The following DYSF variants were observed in gnomAD, a reference collection of about 807,000 sequenced individuals.
DYSF encodes dystrophy-associated fer-1-like 1.
Under a neutral mutation model 274.9 loss-of-function variants are expected in DYSF, and 212 were observed. The observed-to-expected ratio is 0.77, with a 90% confidence interval of 0.69 to 0.86. The LOEUF (loss-of-function observed/expected upper bound fraction) is 0.86, where lower values mean the gene tolerates loss of function less well. Among genes scored for constraint, DYSF ranks in the 40% least tolerant of loss-of-function variants. The probability of loss-of-function intolerance (pLI) is 0.00; values close to 1 mark genes in which losing one functional copy is unlikely to be tolerated. For synonymous variants in DYSF, 1,091 were observed against 1,078.7 expected (o/e 1.01, Z -0.22); for missense variants, 2,666 against 2,783.2 (o/e 0.96, Z 0.95).
intron 21 of DYSF, among the ~76,000 whole-genome samples, chr2:71,554,960 G>A (rs2091237606): frequency 6.6e-6 from 1 of 152,124 alleles, no homozygotes. Flanking sequence ...GTGAGAAAGT[G>A]GAAGAGACAT....
In DYSF at chr2:71,526,441, G is replaced by T. The variant is rs2087929370; in HGVS notation, c.1276+95G>T. 3.9e-6 allele frequency: 6 copies of T among 1,519,278 alleles called. No individual in the cohort carries two copies. In the East Asian group the frequency reaches 1.4e-4, roughly 35 times the overall value. 94.1% of individuals were successfully genotyped at this position (1,519,278 alleles called of 1,614,324 possible). On this transcript the variant is annotated intron_variant, in intron 13 of 55. Transcript: ENST00000410020. ...GATGGCGGGCGGGGTCAGCTCCCTG[G>T]GGGAAGGAGAGGCGTCTAGGAAAAC... is the stretch of plus-strand genomic sequence containing the variant.
upstream of DYSF, among the ~76,000 whole-genome samples, chr2:71,462,757 C>T (rs181150644): frequency 6.6e-5 from 10 of 152,188 alleles, no homozygotes; most frequent in Non-Finnish European, 1.3e-4. Context: ...TAGCTCGTCA[C>T]CGCAGGCAGG....
chr2:71,494,235 C>T (rs2084161669), intron 3 of DYSF, among the ~76,000 whole-genome samples: 1 of 152,126 alleles, frequency 6.6e-6, no homozygotes, highest in Non-Finnish European at 1.5e-5. Flanking sequence ...GATGTTTTCT[C>T]ATGCTTAGAT....
chr2:71,602,870 A>G (rs1040822731), intron 36 of DYSF, 65 bp downstream of exon 36: 28 of 1,591,338 alleles, frequency 1.8e-5, no homozygotes, highest in African/African-American at 2.7e-5. Flanking sequence ...CCAGCCTTCA[A>G]GCACACACCT....
intron 30 of DYSF, among the ~76,000 whole-genome samples, chr2:71,584,934 ACAGAAGGC>A (rs1302363999): frequency 1.3e-5 from 2 of 152,362 alleles, no homozygotes; most frequent in East Asian, 3.9e-4. Flanking sequence ...CAAGAAATTT[ACAGAAGGC>A]CAGAGGAGAG....
intron 36 of DYSF, among the ~76,000 whole-genome samples, chr2:71,608,559 G>T (rs1440012305): frequency 6.6e-6 from 1 of 152,058 alleles, no homozygotes; most frequent in Non-Finnish European, 1.5e-5. Flanking sequence ...GCCTCCGCTG[G>T]GCCCGACGCT....
At chr2:71,571,038 TACACCCAGCACACACACAGATC>T (rs2092395089) in intron 29 of DYSF, 4 of 276,338 alleles carry the variant, frequency 1.4e-5, no homozygotes, top group Admixed American at 7.0e-5. Context: ...ACACACAGAT[TACACCCAGCACACACACAGATC>T]ACACCCAGCA....
chr2:71,455,518 G>T lies in DYSF; in HGVS notation c.88+1432G>T, dbSNP rs553696747. ...CAGGTGTTTCCAGCAGGGAGGACAT[G>T]GGAGTCTTTCATGCTTCCTCTCCGC... On this transcript the variant is annotated intron_variant, in intron 1 of 54. Coordinates refer to the DYSF transcript ENST00000258104. Among the ~76,000 whole-genome samples the T allele has an allele frequency of 1.5e-4, 23 of 152,330 alleles. No individual in the cohort carries two copies. In the South Asian group the frequency reaches 4.6e-3, roughly 30 times the overall value.
rs1342595713 is a variant in DYSF at position 71,570,224 on chromosome 2, C to T, written c.2980-5C>T. 6.2e-7 allele frequency: 1 copy of T among 1,613,794 alleles called. No individual in the cohort carries two copies. The highest frequency in any genetic ancestry group is 1.7e-5 in the Admixed American group (1 of 60,014). On this transcript the variant is annotated splice_region_variant and splice_polypyrimidine_tract_variant and intron_variant, in intron 27 of 55. Transcript: ENST00000410020. ...CATTGCTTGCCTGTTCGGTTTTGTCCTTAGAACGGGGAGAAGGTGCTTCCC... is the reference window on the plus strand; with the variant it reads ...CATTGCTTGCCTGTTCGGTTTTGTCTTTAGAACGGGGAGAAGGTGCTTCCC...
rs192338057 is a variant in DYSF, at chr2:71,659,697, G to C, written c.4911+664G>C. ...TGTGCCCAAGATAAGTGCGTGAGCT[G>C]TCTCCCTCTAGTCATTGCCTGAGAT... On this transcript the variant is annotated intron_variant, in intron 44 of 55. Transcript: ENST00000410020. Among the ~76,000 whole-genome samples the C allele has an allele frequency of 1.6e-4, 24 of 152,362 alleles. 1 individual carries two copies. The highest frequency in any genetic ancestry group is 1.6e-3 in the Admixed American group (24 of 15,306).
intron 40 of DYSF, among the ~76,000 whole-genome samples, chr2:71,617,740 G>GT (rs1251630918): frequency 1.4e-5 from 2 of 147,926 alleles, no homozygotes; most frequent in Non-Finnish European, 3.0e-5. Context: ...GAGGTGGTGT[G>GT]TGTGTATGTG....
intron 38 of DYSF, 68 bp from the exon 39 acceptor site, chr2:71,612,573 C>T (rs148095160): frequency 2.9e-5 from 47 of 1,596,408 alleles, no homozygotes; most frequent in Non-Finnish European, 3.8e-5. Context: ...ATTTTCTGCT[C>T]TTTGGGCTTG....
chr2:71,534,325 C>T (rs1036340288), intron 14 of DYSF, among the ~76,000 whole-genome samples: 3 of 152,184 alleles, frequency 2.0e-5, no homozygotes, highest in African/African-American at 4.8e-5. Context: ...CTGCTGCCCC[C>T]GTGTGTGGGT....
intron 29 of DYSF, among the ~76,000 whole-genome samples, chr2:71,572,971 C>T (rs576837181): frequency 3.2e-4 from 48 of 152,312 alleles, no homozygotes; most frequent in African/African-American, 1.0e-3. Flanking sequence ...GATGAGCACA[C>T]GCAAGCACAT....
intron 4 of DYSF, among the ~76,000 whole-genome samples, chr2:71,506,947 C>T (rs1330138238): frequency 2.0e-5 from 3 of 152,174 alleles, no homozygotes; most frequent in South Asian, 4.1e-4. Flanking sequence ...CCAGAGCAAC[C>T]CGGATGGTGC....
chr2:71,680,996 C>T lies in DYSF; in HGVS notation c.6064-5C>T. On this transcript the variant is annotated splice_polypyrimidine_tract_variant and splice_region_variant and intron_variant, in intron 53 of 55. Transcript: ENST00000410020. The stretch of plus-strand genomic sequence containing the variant: ...CCCCTAACCAAGTGCTCTCTGTCCC[C>T]TCAGGGCAAGCTGGAAATGACCTTG... 6.2e-7 allele frequency: 1 copy of T among 1,614,052 alleles called. No individual in the cohort carries two copies. Among genetic ancestry groups the T allele is most frequent in the Non-Finnish European group, 8.5e-7 (1 of 1,180,002 alleles).
At chr2:71,501,489 G>A (rs553397609) in intron 3 of DYSF, among the ~76,000 whole-genome samples, 2 of 152,126 alleles carry the variant, frequency 1.3e-5, no homozygotes, top group Non-Finnish European at 2.9e-5. Context: ...ATGCATTCAT[G>A]ATGTCATGCA....
chr2:71,648,435 T>C (rs987151336), intron 42 of DYSF, among the ~76,000 whole-genome samples: 2 of 151,572 alleles, frequency 1.3e-5, no homozygotes, highest in East Asian at 3.9e-4. Context: ...ATGGAAATAA[T>C]GAAAAAGTTA....
At chr2:71,565,297 G>T (rs1489635876) in intron 24 of DYSF, among the ~76,000 whole-genome samples, 7 of 147,738 alleles carry the variant, frequency 4.7e-5, no homozygotes, top group African/African-American at 1.8e-4. Flanking sequence ...CACCATGTTG[G>T]CCAGGCTGGT....
Sources: allele counts gnomAD v4.1 joint callset (sites outside exome capture counted in the v4.1 genomes callset), GRCh38; gene constraint gnomAD v4.1.1; transcripts MANE v1.5; gene names NCBI Gene and HGNC (gene_info 2026-07-23, HGNC 2026-07-21).